MYO16: variants seen among roughly 807,000 people sequenced by gnomAD.
The protein encoded by MYO16 is myosin XVI.
In MYO16, 94 loss-of-function variants were observed where a neutral mutation model predicts 205.3. The observed-to-expected ratio is 0.46, with a 90% CI of 0.39 to 0.54. The LOEUF (loss-of-function observed/expected upper bound fraction) is 0.54. Among genes scored for constraint, MYO16 ranks in the 20% least tolerant of loss-of-function variants. MYO16 has a pLI of 0.00. For missense variants in MYO16, 2,315 were observed against 2,387.5 expected (o/e 0.97, Z 0.63); for synonymous variants, 988 against 954.0 (o/e 1.04, Z -0.66).
At chr13:108,696,959 A>G (rs994531716) in intron 2 of MYO16, among the ~76,000 whole-genome samples, 1 of 140,656 alleles carries the variant, frequency 7.1e-6, no homozygotes, top group Non-Finnish European at 1.5e-5. Context: ...TTTTTAACTC[A>G]CGGATGAATT....
intron 1 of MYO16, among the ~76,000 whole-genome samples, chr13:108,606,701 C>T (rs1024900046): frequency 6.6e-6 from 1 of 152,150 alleles, no homozygotes; most frequent in South Asian, 2.1e-4. Context: ...CACACAGAGT[C>T]CCCATTGGGG....
intron 16 of MYO16, among the ~76,000 whole-genome samples, chr13:108,955,804 T>C (rs1883326941): frequency 6.6e-6 from 1 of 152,060 alleles, no homozygotes; most frequent in Non-Finnish European, 1.5e-5. Context: ...TGAGCCAAGA[T>C]TGCCCCACTG....
intron 33 of MYO16, among the ~76,000 whole-genome samples, chr13:109,177,164 C>T (rs1448944418): frequency 6.6e-6 from 1 of 152,080 alleles, no homozygotes; most frequent in East Asian, 1.9e-4. Flanking sequence ...GCAACACCAC[C>T]ATGAAGTTTA....
At chr13:109,191,605 G>C (rs2139945939) in intron 34 of MYO16, among the ~76,000 whole-genome samples, 1 of 152,180 alleles carries the variant, frequency 6.6e-6, no homozygotes, top group African/African-American at 2.4e-5. Context: ...AGTGTTCTAG[G>C]CAAAGGGAGC....
intron 4 of MYO16, among the ~76,000 whole-genome samples, chr13:108,777,118 G>A (rs1886148275): frequency 1.3e-5 from 2 of 152,022 alleles, no homozygotes; most frequent in South Asian, 4.2e-4. Flanking sequence ...TACCTCCGAG[G>A]AAACTGGGGC....
intron 32 of MYO16, among the ~76,000 whole-genome samples, chr13:109,146,655 G>C (rs542606768): frequency 6.6e-6 from 1 of 152,086 alleles, no homozygotes; most frequent in Non-Finnish European, 1.5e-5. Flanking sequence ...AAAATAGCCA[G>C]GCATGGTGGC....
chr13:108,964,843 G>C lies in MYO16; in HGVS notation c.2310G>C (p.Leu770Phe). The change falls in exon 20 of 35, where the codon TTG (leucine) becomes TTC (phenylalanine). Residue 770 changes from leucine to phenylalanine, a missense_variant. Physicochemically the swap from Leu to Phe is conservative, Grantham distance 22 (BLOSUM62 0). Coordinates refer to ENST00000457511, the MANE Select transcript of MYO16 (RefSeq NM_001198950.3). ...TGGCCAAGTCCCTGTACAGTCGTTT[G>C]TTTAGCTTTTTGGTGAATACCATGA... ...DLLAKSLYSR[L>F]FSFLVNTMNS... The C allele has an allele frequency of 6.3e-7, 1 of 1,578,134 alleles. No homozygotes were observed. Among genetic ancestry groups the C allele is most frequent in the Non-Finnish European group, 8.6e-7 (1 of 1,157,094 alleles).
At chr13:108,790,696 T>A (rs1241803301) in intron 5 of MYO16, among the ~76,000 whole-genome samples, 10 of 152,130 alleles carry the variant, frequency 6.6e-5, no homozygotes, top group Admixed American at 5.2e-4. Flanking sequence ...ATATATATTT[T>A]AAAAAAATCT....
chr13:109,132,881 TCAAA>T (rs1345485853), intron 31 of MYO16, among the ~76,000 whole-genome samples: 10 of 152,196 alleles, frequency 6.6e-5, no homozygotes, highest in South Asian at 2.1e-4. Context: ...AGATAAGTGG[TCAAA>T]CAAATTATAG....
chr13:108,918,960 A>C (rs1881621330), intron 16 of MYO16, among the ~76,000 whole-genome samples: 3 of 114,852 alleles, frequency 2.6e-5, no homozygotes, highest in South Asian at 3.5e-4. Context: ...AGAACAAAAA[A>C]AAAAAAAAAA....
At chr13:108,602,926 G>A (rs2139302607) in intron 1 of MYO16, among the ~76,000 whole-genome samples, 1 of 152,240 alleles carries the variant, frequency 6.6e-6, no homozygotes, top group Middle Eastern at 3.4e-3. Flanking sequence ...CCTGAATTGA[G>A]GGAACATTCC....
intron 2 of MYO16, among the ~76,000 whole-genome samples, chr13:108,709,332 T>C (rs1883635511): frequency 6.6e-6 from 1 of 152,198 alleles, no homozygotes; most frequent in Non-Finnish European, 1.5e-5. Flanking sequence ...CTGAGGCCAA[T>C]AAAATGGATC....
the MYO16 span, among the ~76,000 whole-genome samples, chr13:108,496,923 A>C: frequency 6.6e-6 from 1 of 152,220 alleles, no homozygotes; most frequent in Admixed American, 6.5e-5. Flanking sequence ...CAAAGGCAGA[A>C]GCACAGGGGA....
chr13:108,658,373 CTATT>C (rs1881337094), intron 1 of MYO16, among the ~76,000 whole-genome samples: 1 of 151,006 alleles, frequency 6.6e-6, no homozygotes, highest in African/African-American at 2.4e-5. Flanking sequence ...TGTTTCATGT[CTATT>C]AATTAATAGC....
At chr13:108,751,642 G>A (rs1266335325) in intron 4 of MYO16, among the ~76,000 whole-genome samples, 2 of 152,034 alleles carry the variant, frequency 1.3e-5, no homozygotes, top group Admixed American at 6.6e-5. Context: ...GGAGAGACTT[G>A]ATAAAGACTA....
chr13:108,550,010 C>T, the MYO16 span, among the ~76,000 whole-genome samples: 1 of 152,198 alleles, frequency 6.6e-6, no homozygotes, highest in Admixed American at 6.5e-5. Flanking sequence ...GCACTGAATC[C>T]AGCTCTATTT....
At chr13:109,026,273 A>T (rs1479531114) in intron 23 of MYO16, among the ~76,000 whole-genome samples, 1 of 152,160 alleles carries the variant, frequency 6.6e-6, no homozygotes, top group East Asian at 1.9e-4. Flanking sequence ...AGATGAGGAG[A>T]TGATTCTGGC....
chr13:108,592,177 T>C (rs1594130193), upstream of MYO16, among the ~76,000 whole-genome samples: 1 of 21,808 alleles, frequency 4.6e-5, no homozygotes, highest in East Asian at 1.4e-3. Flanking sequence ...TGGAGGGGTG[T>C]GTGGGGTATG....
intron 20 of MYO16, among the ~76,000 whole-genome samples, chr13:108,965,104 C>T (rs1327000137): frequency 6.6e-6 from 1 of 152,148 alleles, no homozygotes; most frequent in Non-Finnish European, 1.5e-5. Flanking sequence ...GGGTACCCTC[C>T]CGTTTACACT....
Sources: gnomAD v4.1 joint callset for allele counts (sites outside exome capture counted in the v4.1 genomes callset) on GRCh38, gnomAD v4.1.1 for gene constraint, MANE v1.5 for transcripts, NCBI Gene and HGNC (gene_info 2026-07-23, HGNC 2026-07-21) for gene names.